Variants in SLC39A12 observed in about 807,000 individuals in gnomAD.
SLC39A12 encodes the protein solute carrier family 39 member 12.
A neutral mutation model predicts 71.1 loss-of-function variants in SLC39A12; 63 were observed. The observed-to-expected ratio is 0.89, with a 90% CI of 0.72 to 1.09. The LOEUF is 1.09. Among genes scored for constraint, SLC39A12 ranks in the 50% least tolerant of loss-of-function variants. The pLI, the probability that SLC39A12 is intolerant of heterozygous loss-of-function variation, is 0.00. For missense variants in SLC39A12, 892 were observed against 812.6 expected (o/e 1.10, Z -1.19); for synonymous variants, 351 against 301.3 (o/e 1.16, Z -1.71).
chr10:17,989,894 G>C (rs1564648528), intron 7 of SLC39A12, among the ~76,000 whole-genome samples: 2 of 151,904 alleles, frequency 1.3e-5, no homozygotes, highest in Non-Finnish European at 2.9e-5. Context: ...CTGGGCAACA[G>C]AACGAGACTC....
intron 12 of SLC39A12, among the ~76,000 whole-genome samples, chr10:18,030,286 G>A (rs1836802768): frequency 6.7e-6 from 1 of 148,936 alleles, no homozygotes; most frequent in African/African-American, 2.5e-5. Flanking sequence ...TTTTTGAGAT[G>A]GAGTCTCTCT....
chr10:17,968,375 A>G (rs143588966), intron 4 of SLC39A12, among the ~76,000 whole-genome samples: 2 of 152,196 alleles, frequency 1.3e-5, no homozygotes, highest in South Asian at 2.1e-4. Flanking sequence ...GAGAAAAAAT[A>G]TATTTATAGA....
intron 12 of SLC39A12, among the ~76,000 whole-genome samples, chr10:18,006,381 C>T (rs1243595466): frequency 1.3e-5 from 2 of 152,164 alleles, no homozygotes; most frequent in Non-Finnish European, 2.9e-5. Flanking sequence ...TGCACTGAAG[C>T]ATGGCTAAAG....
At chr10:17,957,797 T>C (rs1215609630) in intron 2 of SLC39A12, among the ~76,000 whole-genome samples, 1 of 152,214 alleles carries the variant, frequency 6.6e-6, no homozygotes, top group Non-Finnish European at 1.5e-5. Flanking sequence ...CTTCCACCTG[T>C]ATTCTTTCCT....
At chr10:18,039,349 A>G (rs1025981998) in intron 12 of SLC39A12, among the ~76,000 whole-genome samples, 4 of 152,360 alleles carry the variant, frequency 2.6e-5, no homozygotes, top group African/African-American at 7.2e-5. Context: ...TTTGAGATGC[A>G]GCTTACTGGG....
chr10:18,001,573 T>C (rs1309482490), intron 11 of SLC39A12, among the ~76,000 whole-genome samples: 1 of 152,190 alleles, frequency 6.6e-6, no homozygotes, highest in Admixed American at 6.5e-5. Context: ...ACCTGACTTA[T>C]ACAAAATGTT....
At chr10:17,959,503 A>T (rs1554848106) in intron 2 of SLC39A12, among the ~76,000 whole-genome samples, 1 of 152,222 alleles carries the variant, frequency 6.6e-6, no homozygotes. Context: ...ACCTTGAATT[A>T]GAACCCCCAA....
chr10:18,016,318 C>T (rs1441488067), intron 12 of SLC39A12, among the ~76,000 whole-genome samples: 1 of 152,126 alleles, frequency 6.6e-6, no homozygotes, highest in Non-Finnish European at 1.5e-5. Flanking sequence ...TTCAGATAAG[C>T]ATCTTCATTT....
chr10:18,033,184 T>A (rs890187285), intron 12 of SLC39A12, among the ~76,000 whole-genome samples: 1 of 140,450 alleles, frequency 7.1e-6, no homozygotes, highest in Non-Finnish European at 1.5e-5. Context: ...TAGGGAGGAT[T>A]CCCTCTTTTT....
At chr10:17,975,881 G>T (rs1199557077) in intron 4 of SLC39A12, among the ~76,000 whole-genome samples, 2 of 152,140 alleles carry the variant, frequency 1.3e-5, no homozygotes. Context: ...GGCTAGGGCT[G>T]GTTTAAATGC....
chr10:17,977,131 A>G (rs2130802894), intron 4 of SLC39A12, among the ~76,000 whole-genome samples: 1 of 152,230 alleles, frequency 6.6e-6, no homozygotes, highest in East Asian at 1.9e-4. Context: ...CTTAAACTCC[A>G]GAATTTTCAT....
intron 12 of SLC39A12, among the ~76,000 whole-genome samples, chr10:18,039,274 T>A (rs577088694): frequency 7.9e-5 from 12 of 152,088 alleles, no homozygotes; most frequent in Non-Finnish European, 1.6e-4. Flanking sequence ...ATTTGGAAAT[T>A]AGAGTAATCA....
chr10:17,996,784 T>G (rs1835694690), intron 10 of SLC39A12, among the ~76,000 whole-genome samples: 2 of 151,768 alleles, frequency 1.3e-5, no homozygotes, highest in Non-Finnish European at 2.9e-5. Context: ...GATCACGAGG[T>G]CAGGAGATCG....
intron 12 of SLC39A12, among the ~76,000 whole-genome samples, chr10:18,024,515 C>G (rs893976948): frequency 1.3e-5 from 2 of 152,136 alleles, no homozygotes; most frequent in Non-Finnish European, 2.9e-5. Flanking sequence ...TCCTTTCTCA[C>G]TCTTCTCCAC....
At chr10:17,986,000 A>G (rs749185358) in intron 6 of SLC39A12, among the ~76,000 whole-genome samples, 1 of 152,220 alleles carries the variant, frequency 6.6e-6, no homozygotes, top group Non-Finnish European at 1.5e-5. Flanking sequence ...TGAAAATAAT[A>G]TCACCCTGGA....
At position 18,042,960 on chromosome 10, in the gene SLC39A12, A is replaced by T. The variant is rs1837301739; in HGVS notation, c.*127A>T. ...AGGCAAAGTGTGTCTCTTTCAATTCATTAACTTATTAATTTTATAATGCAG... is the reference window on the plus strand; with the variant it reads ...AGGCAAAGTGTGTCTCTTTCAATTCTTTAACTTATTAATTTTATAATGCAG... On this transcript the variant is annotated 3_prime_UTR_variant, in exon 13 of 13. Coordinates refer to ENST00000377369, the MANE Select transcript of SLC39A12 (RefSeq NM_001145195.2). The T allele has an allele frequency of 1.5e-6, 1 of 656,348 alleles. No individual in the cohort carries two copies. The highest frequency in any genetic ancestry group is 2.2e-6 in the Non-Finnish European group (1 of 448,760). The allele number at this position is 656,348 out of a possible 1,614,324, so 40.7% of individuals were successfully genotyped here.
chr10:18,036,670 T>A (rs1310107377), intron 12 of SLC39A12, among the ~76,000 whole-genome samples: 1 of 148,998 alleles, frequency 6.7e-6, no homozygotes, highest in African/African-American at 2.5e-5. Flanking sequence ...TCTTGGCTCC[T>A]CCCCCGTGAT....
intron 10 of SLC39A12, among the ~76,000 whole-genome samples, chr10:17,997,530 A>T (rs1163727196): frequency 6.6e-6 from 1 of 152,176 alleles, no homozygotes; most frequent in East Asian, 1.9e-4. Context: ...AAAGAAGGAC[A>T]TGCCCAGTCA....
At position 18,003,325 on chromosome 10, in the gene SLC39A12, T is replaced by C; in HGVS notation, c.1914T>C (p.Ala638=). 1 of 1,613,032 alleles carries C rather than the reference T, an allele frequency of 6.2e-7. No homozygotes were observed. The highest frequency in any genetic ancestry group is 1.3e-5 in the African/African-American group (1 of 75,004). The change falls in exon 12 of 13, where the codon GCT becomes GCC. Residue 638 remains alanine (A), a synonymous_variant. Coordinates refer to ENST00000377369, the MANE Select transcript of SLC39A12 (RefSeq NM_001145195.2). ...CVQDWIFTVT[A]GMFLYLSLVE... is the part of the protein sequence containing the mutation. ...AAGACTGGATCTTCACAGTCACTGC[T>C]GGGATGTTCTTATATTTATCCTTGG... is the stretch of plus-strand genomic sequence containing the variant.
Sources: allele counts gnomAD v4.1 joint callset (sites outside exome capture counted in the v4.1 genomes callset), GRCh38; gene constraint gnomAD v4.1.1; transcripts MANE v1.5; gene names NCBI Gene and HGNC (gene_info 2026-07-23, HGNC 2026-07-21).